CBX5: variants seen among roughly 807,000 people sequenced by gnomAD.
CBX5 encodes the protein chromobox protein homolog 5.
CBX5 carries 7 observed loss-of-function variants against 20.7 expected under a neutral mutation model. The ratio of observed to expected loss-of-function variants is 0.34; its 90% confidence interval spans 0.19 to 0.63. The LOEUF is 0.63. CBX5 is among the 30% of genes least tolerant of loss of function. The pLI is 0.75. For missense variants in CBX5, 110 were observed against 224.1 expected, an observed-to-expected ratio of 0.49 and a Z score of 3.25; for synonymous variants, 78 against 77.0, an observed-to-expected ratio of 1.01 and a Z score of -0.07.
At chr12:54,242,369 C>T (rs1943685608) in intron 4 of CBX5, among the ~76,000 whole-genome samples, 1 of 151,748 alleles carries the variant, frequency 6.6e-6, no homozygotes, top group East Asian at 1.9e-4. Context: ...ACTAAAAGTA[C>T]AAAAAATTAG....
intron 1 of CBX5, among the ~76,000 whole-genome samples, chr12:54,277,793 T>C (rs1398774341): frequency 6.6e-6 from 1 of 152,222 alleles, no homozygotes; most frequent in Non-Finnish European, 1.5e-5. Flanking sequence ...TATTTTCCAA[T>C]TGGTAAAATA....
At chr12:54,276,948 A>G (rs956027852) in intron 1 of CBX5, 2 of 152,370 alleles carry the variant, frequency 1.3e-5, no homozygotes, top group South Asian at 4.1e-4. Flanking sequence ...ACCTTCTTCA[A>G]AAACATATTT....
At chr12:54,262,005 A>G (rs1943918948) in intron 1 of CBX5, among the ~76,000 whole-genome samples, 1 of 152,204 alleles carries the variant, frequency 6.6e-6, no homozygotes, top group African/African-American at 2.4e-5. Flanking sequence ...ACATGCAGTA[A>G]CTCCTGCAGC....
chr12:54,265,823 G>A lies in CBX5; in HGVS notation c.-42-8131C>T, dbSNP rs184774842. ...TTTGGGAGGCTGAGGCAGGCAGATC[G>A]ATCACTTGACGTCAGGAGTTCAAGA... is the stretch of plus-strand genomic sequence containing the variant. On this transcript the variant is annotated intron_variant, in intron 1 of 4. Coordinates refer to ENST00000209875, the MANE Select transcript of CBX5 (RefSeq NM_012117.3). 5.1e-4 allele frequency among the ~76,000 whole-genome samples: 78 copies of A among 152,174 alleles called. 1 individual carries two copies. Among genetic ancestry groups the A allele is most frequent in the East Asian group, 1.4e-3 (7 of 5,176 alleles).
chr12:54,247,166 G>A (rs1374481192), intron 3 of CBX5, among the ~76,000 whole-genome samples: 2 of 152,092 alleles, frequency 1.3e-5, no homozygotes, highest in Admixed American at 1.3e-4. Context: ...CCTGGTCAGT[G>A]CCTATCCCCT....
At position 54,232,879 on chromosome 12, in the gene CBX5, G is replaced by C. The variant is rs1943582437; in HGVS notation, c.*8876C>G. On this transcript the variant is annotated 3_prime_UTR_variant, in exon 5 of 5. Transcript: ENST00000209875. ...AGGACTAAGTCACACTGATTTCTCA[G>C]AGTTTTATACTGAGTAACCTGAATT... is the stretch of plus-strand genomic sequence containing the variant. 6.6e-6 allele frequency: 1 copy of C among 152,076 alleles called. No individual in the cohort carries two copies. Among genetic ancestry groups the C allele is most frequent in the African/African-American group, 2.4e-5 (1 of 41,388 alleles). 9.4% of individuals were successfully genotyped at this position (152,076 alleles called of 1,614,324 possible). A position where few individuals can be genotyped will look rare whatever the true frequency, so the allele number is the denominator to read the frequency against.
In CBX5 at chr12:54,240,616, T is replaced by C. The variant is rs1943667051; in HGVS notation, c.*1139A>G. Reference sequence around the variant, plus strand: ...TTAATATTTTGGGGACTCTTGGTGGTAAATCCAGGAGCCAAGAATGCAGGA... The same window carrying C: ...TTAATATTTTGGGGACTCTTGGTGGCAAATCCAGGAGCCAAGAATGCAGGA... On this transcript the variant is annotated 3_prime_UTR_variant, in exon 5 of 5. Transcript: ENST00000209875. The C allele has an allele frequency of 6.6e-6, 1 of 152,062 alleles. No individual in the cohort carries two copies. The highest frequency in any genetic ancestry group is 1.5e-5 in the Non-Finnish European group (1 of 68,008). 9.4% of individuals were successfully genotyped at this position (152,062 alleles called of 1,614,324 possible). A position where few individuals can be genotyped will look rare whatever the true frequency, so the allele number is the denominator to read the frequency against.
intron 3 of CBX5, among the ~76,000 whole-genome samples, 185 bp downstream of exon 3, chr12:54,251,856 C>T (rs1231488481): frequency 6.6e-6 from 1 of 152,196 alleles, no homozygotes; most frequent in Non-Finnish European, 1.5e-5. Flanking sequence ...CCACAAATTA[C>T]ATTTCTCACT....
intron 1 of CBX5, chr12:54,259,679 G>A (rs769460514): frequency 6.5e-6 from 1 of 152,680 alleles, no homozygotes; most frequent in Non-Finnish European, 1.5e-5. Flanking sequence ...CTACACTAAG[G>A]GGGAGAAGCA....
intron 3 of CBX5, 59 bp from the exon 4 acceptor site, chr12:54,246,274 C>A: frequency 8.1e-7 from 1 of 1,238,690 alleles, no homozygotes; most frequent in Middle Eastern, 1.9e-4. Context: ...AAACTCCCTG[C>A]TTCTAGGCTC....
At chr12:54,266,750 A>G (rs1234108034) in intron 1 of CBX5, among the ~76,000 whole-genome samples, 1 of 152,214 alleles carries the variant, frequency 6.6e-6, no homozygotes, top group East Asian at 1.9e-4. Flanking sequence ...CAATAACACA[A>G]AAATTCTTGC....
At chr12:54,244,951 G>GT (rs1399640858) in intron 4 of CBX5, among the ~76,000 whole-genome samples, 1 of 151,872 alleles carries the variant, frequency 6.6e-6, no homozygotes, top group Non-Finnish European at 1.5e-5. Flanking sequence ...TGGTCTTACA[G>GT]TAAGTAATTC....
At chr12:54,245,205 T>G (rs897470321) in intron 4 of CBX5, among the ~76,000 whole-genome samples, 1 of 151,744 alleles carries the variant, frequency 6.6e-6, no homozygotes. Flanking sequence ...GAGATAGGAG[T>G]TCACCATGTT....
At chr12:54,266,899 TCA>T (rs759210704) in intron 1 of CBX5, among the ~76,000 whole-genome samples, 7 of 152,184 alleles carry the variant, frequency 4.6e-5, no homozygotes, top group African/African-American at 9.7e-5. Context: ...AAAAAAAGTA[TCA>T]GTTTTCTTTA....
rs1229102271 is a variant in CBX5 at position 54,239,879 on chromosome 12, G to T, written c.*1876C>A. 1.3e-5 allele frequency: 2 copies of T among 152,212 alleles called. No individual in the cohort carries two copies. Among genetic ancestry groups the T allele is most frequent in the Non-Finnish European group, 2.9e-5 (2 of 68,034 alleles). The allele number at this position is 152,212 out of a possible 1,614,324, so 9.4% of individuals were successfully genotyped here. ...AGAATTCAATCAGCAGCTGAGCAGG[G>T]AAGCAATGTTAACAAATGCTATGAA... On this transcript the variant is annotated 3_prime_UTR_variant, in exon 5 of 5. Transcript: ENST00000209875.
chr12:54,257,475 C>T, intron 2 of CBX5, 39 bp downstream of exon 2: 1 of 1,611,444 alleles, frequency 6.2e-7, no homozygotes, highest in African/African-American at 1.3e-5. Context: ...GTATCTATCT[C>T]TACAGAGTCC....
intron 1 of CBX5, among the ~76,000 whole-genome samples, chr12:54,271,584 A>G (rs1006853274): frequency 7.2e-5 from 11 of 152,232 alleles, no homozygotes; most frequent in African/African-American, 2.7e-4. Context: ...TCAGCCTCCC[A>G]AAGTGCTGGG....
Position 54,257,674 on chromosome 12 carries a change from G to A in CBX5, c.-24C>T, listed in dbSNP as rs1476899267. The A allele has an allele frequency of 3.1e-6, 5 of 1,614,030 alleles. No homozygotes were observed. The highest frequency in any genetic ancestry group is 3.4e-6 in the Non-Finnish European group (4 of 1,179,966). ...ATGTCGCACACCGTTCCACCTGAAA[G>A]ACTAAGGCCACCAGGTCCCTGCAAA... On this transcript the variant is annotated 5_prime_UTR_variant, in exon 2 of 5. Coordinates refer to ENST00000209875, the MANE Select transcript of CBX5 (RefSeq NM_012117.3).
Position 54,239,273 on chromosome 12 carries a change from C to A in CBX5, c.*2482G>T, listed in dbSNP as rs1445606729. The A allele has an allele frequency of 6.6e-6, 1 of 152,180 alleles. No homozygotes were observed. The highest frequency in any genetic ancestry group is 2.4e-5 in the African/African-American group (1 of 41,444). The allele number at this position is 152,180 out of a possible 1,614,324, so 9.4% of individuals were successfully genotyped here. The stretch of plus-strand genomic sequence containing the variant: ...TTTTTATGAATGTCTTAAATATTAC[C>A]TATAACCACAGCAGCCACATGCCCC... On this transcript the variant is annotated 3_prime_UTR_variant, in exon 5 of 5. Transcript: ENST00000209875.
Sources: gnomAD v4.1 joint callset for allele counts (sites outside exome capture counted in the v4.1 genomes callset) on GRCh38, gnomAD v4.1.1 for gene constraint, MANE v1.5 for transcripts, NCBI Gene and HGNC (gene_info 2026-07-23, HGNC 2026-07-21) for gene names.